Variants in LRRC28 observed in about 807,000 individuals in gnomAD.
LRRC28 encodes leucine rich repeat containing 28, also known as leucine-rich repeat-containing protein 28.
LRRC28 carries 39 observed loss-of-function variants against 45.7 expected under a neutral mutation model. The ratio of observed to expected loss-of-function variants is 0.85; its 90% CI spans 0.66 to 1.12. LRRC28 has a LOEUF of 1.12. Among genes scored for constraint, LRRC28 ranks in the 50% most tolerant of loss-of-function variants. The probability of loss-of-function intolerance (pLI) is 0.00; values close to 1 mark genes in which losing one functional copy is unlikely to be tolerated. For synonymous variants in LRRC28, 206 were observed against 178.8 expected, an observed-to-expected ratio of 1.15 and a Z score of -1.22; for missense variants, 435 against 438.5, an observed-to-expected ratio of 0.99 and a Z score of 0.07.
intron 5 of LRRC28, among the ~76,000 whole-genome samples, chr15:99,328,884 C>T (rs1956069833): frequency 6.6e-6 from 1 of 151,726 alleles, no homozygotes; most frequent in Non-Finnish European, 1.5e-5. Context: ...TCATTGGCAT[C>T]CTTAGTTCTG....
At chr15:99,256,165 A>C (rs1215299391) in intron 2 of LRRC28, 40 bp downstream of exon 2, 1 of 1,527,418 alleles carries the variant, frequency 6.5e-7, no homozygotes, top group East Asian at 2.3e-5. Flanking sequence ...TTATTTATAC[A>C]TGTGGTCCTG....
intron 7 of LRRC28, 94 bp from the exon 8 acceptor site, chr15:99,361,242 A>G (rs2152325880): frequency 2.1e-6 from 3 of 1,421,638 alleles, no homozygotes; most frequent in East Asian, 2.3e-5. Flanking sequence ...AGTGTCATAA[A>G]TTTTCAAATG....
At chr15:99,345,792 A>G (rs1170211559) in intron 6 of LRRC28, among the ~76,000 whole-genome samples, 2 of 152,174 alleles carry the variant, frequency 1.3e-5, no homozygotes, top group Non-Finnish European at 2.9e-5. Context: ...AAATATCACA[A>G]TTTTTTTAAA....
chr15:99,263,107 C>G (rs1447388525), intron 2 of LRRC28, among the ~76,000 whole-genome samples: 2 of 146,794 alleles, frequency 1.4e-5, no homozygotes, highest in Non-Finnish European at 3.0e-5. Flanking sequence ...CTCAGGAGTT[C>G]AAGACCAGCC....
At chr15:99,308,593 C>T (rs1955279888) in intron 5 of LRRC28, among the ~76,000 whole-genome samples, 2 of 152,132 alleles carry the variant, frequency 1.3e-5, no homozygotes, top group Admixed American at 1.3e-4. Flanking sequence ...GATTGCTTGA[C>T]TCTAGAATAT....
At chr15:99,299,630 T>G (rs2082347543) in intron 5 of LRRC28, among the ~76,000 whole-genome samples, 2 of 152,354 alleles carry the variant, frequency 1.3e-5, no homozygotes, top group Admixed American at 1.3e-4. Context: ...GAGTTAACGC[T>G]TGTTTTAATG....
chr15:99,262,935 C>T (rs369850879), intron 2 of LRRC28, among the ~76,000 whole-genome samples: 1 of 152,068 alleles, frequency 6.6e-6, no homozygotes, highest in African/African-American at 2.4e-5. Context: ...CGGTGAGCCA[C>T]TGTGCCTGGC....
chr15:99,363,479 T>C, intron 9 of LRRC28: 1 of 458,046 alleles, frequency 2.2e-6, no homozygotes, highest in South Asian at 3.4e-5. Flanking sequence ...CTGGACAGTT[T>C]TATTGTATAT....
At position 99,385,981 on chromosome 15, in the gene LRRC28, C is replaced by T. The variant is rs547836983; in HGVS notation, c.1032-49C>T. ...AGTTTCCAGCAGAAAGAATCAGAGACTTTAATCTTGAACTCACAGCGTTCT... is the reference window on the plus strand; with the variant it reads ...AGTTTCCAGCAGAAAGAATCAGAGATTTTAATCTTGAACTCACAGCGTTCT... On this transcript the variant is annotated intron_variant, in intron 9 of 9. Transcript: ENST00000301981. 220 of 1,545,888 alleles carry T rather than the reference C, an allele frequency of 1.4e-4. 5 individuals are homozygous for T. The South Asian group carries it at 2.3e-3, about 16-fold the overall frequency.
chr15:99,367,391 C>G (rs925054225), intron 9 of LRRC28, among the ~76,000 whole-genome samples: 1 of 152,136 alleles, frequency 6.6e-6, no homozygotes, highest in Admixed American at 6.6e-5. Flanking sequence ...CTGGTGAGGG[C>G]CATCTTGCTG....
intron 2 of LRRC28, chr15:99,258,178 G>C: frequency 6.2e-7 from 1 of 1,612,382 alleles, no homozygotes; most frequent in Non-Finnish European, 8.5e-7. Flanking sequence ...AAGATGGCCA[G>C]TCAACTTCTG....
intron 2 of LRRC28, among the ~76,000 whole-genome samples, chr15:99,274,567 A>G (rs2081566784): frequency 6.6e-6 from 1 of 152,238 alleles, no homozygotes; most frequent in African/African-American, 2.4e-5. Context: ...TGCACACAGC[A>G]GATCTTAAAA....
chr15:99,269,911 C>T (rs2081430220), intron 2 of LRRC28, among the ~76,000 whole-genome samples: 1 of 151,982 alleles, frequency 6.6e-6, no homozygotes, highest in Non-Finnish European at 1.5e-5. Flanking sequence ...TAACTAGGAC[C>T]CTGAAGGCAT....
chr15:99,298,794 C>T (rs895460309), intron 5 of LRRC28, among the ~76,000 whole-genome samples: 1 of 151,778 alleles, frequency 6.6e-6, no homozygotes. Flanking sequence ...CTGCAACCTT[C>T]TCCTCCTGGG....
chr15:99,358,385 G>A (rs569122055), intron 7 of LRRC28, among the ~76,000 whole-genome samples: 30 of 152,220 alleles, frequency 2.0e-4, no homozygotes, highest in African/African-American at 7.2e-4. Flanking sequence ...CATAGAAATC[G>A]ATGTTAATTC....
chr15:99,341,200 C>T lies in LRRC28; in HGVS notation c.592+7071C>T, dbSNP rs188713252. ...CCACCTCCCGGGTTCAAGTGATTCT[C>T]CTGCCTCAGCCTCCCGAGTAGCTGG... On this transcript the variant is annotated intron_variant, in intron 6 of 9. Coordinates refer to ENST00000301981, the MANE Select transcript of LRRC28 (RefSeq NM_144598.5). 2.6e-3 allele frequency among the ~76,000 whole-genome samples: 393 copies of T among 149,610 alleles called. 4 individuals are homozygous for T. Among genetic ancestry groups the T allele is most frequent in the African/African-American group, 9.0e-3 (369 of 40,790 alleles).
chr15:99,305,793 CTTT>C (rs1955161088), intron 5 of LRRC28, among the ~76,000 whole-genome samples: 1 of 152,062 alleles, frequency 6.6e-6, no homozygotes, highest in Non-Finnish European at 1.5e-5. Context: ...TGAAATCCTT[CTTT>C]GTGTTTCTCC....
chr15:99,275,257 C>G (rs2081587312), intron 2 of LRRC28, among the ~76,000 whole-genome samples: 1 of 152,222 alleles, frequency 6.6e-6, no homozygotes, highest in African/African-American at 2.4e-5. Context: ...GACTTTTGTT[C>G]TAGGATTCTT....
chr15:99,256,746 C>T lies in LRRC28; in HGVS notation c.168+621C>T, dbSNP rs571272591. ...TCTTTTTATGTTCTAAGAATAAGCA[C>T]GTAGTTTTCATTATAATCTGAATTG... On this transcript the variant is annotated intron_variant, in intron 2 of 9. Transcript: ENST00000301981. Among the ~76,000 whole-genome samples, 97 of 152,248 alleles carry T rather than the reference C, an allele frequency of 6.4e-4. 1 individual carries two copies. The highest frequency in any genetic ancestry group is 1.2e-3 in the Non-Finnish European group (81 of 68,008).
Sources: gnomAD v4.1 joint callset for allele counts (sites outside exome capture counted in the v4.1 genomes callset) on GRCh38, gnomAD v4.1.1 for gene constraint, MANE v1.5 for transcripts, NCBI Gene and HGNC (gene_info 2026-07-23, HGNC 2026-07-21) for gene names.